HELZ: variants seen among roughly 807,000 people sequenced by gnomAD.
HELZ encodes the protein ATP-dependent RNA helicase with zinc finger domain.
A neutral mutation model predicts 218.2 loss-of-function variants in HELZ; 23 were observed. The observed-to-expected ratio is 0.11, with a 90% CI of 0.08 to 0.15. The LOEUF is 0.15. HELZ is among the 10% of genes least tolerant of loss of function. HELZ has a pLI of 1.00. For synonymous variants in HELZ, 814 were observed against 829.4 expected (o/e 0.98, Z 0.32); for missense variants, 1,813 against 2,353.7 (o/e 0.77, Z 4.75).
chr17:67,193,344 C>CAAAAAAAAAAAAAAAAAAAAA (rs34516607), intron 9 of HELZ, among the ~76,000 whole-genome samples: 1 of 91,906 alleles, frequency 1.1e-5, no homozygotes, highest in Non-Finnish European at 2.2e-5. Context: ...GACTCTGTCT[C>CAAAAAAAAAAAAAAAAAAAAA]AAAAAAAAAA....
intron 31 of HELZ, among the ~76,000 whole-genome samples, chr17:67,105,549 A>G (rs958228980): frequency 6.6e-6 from 1 of 152,252 alleles, no homozygotes; most frequent in Non-Finnish European, 1.5e-5. Flanking sequence ...ACTGTATAAC[A>G]TTGTGAATAC....
intron 3 of HELZ, chr17:67,225,474 CA>C (rs1448782385): frequency 6.5e-6 from 1 of 153,700 alleles, no homozygotes; most frequent in Non-Finnish European, 1.4e-5. Flanking sequence ...CCAAAAGCAC[CA>C]AATGTGACAG....
chr17:67,086,638 ATATATATATATAT>A (rs2036395670), intron 32 of HELZ, among the ~76,000 whole-genome samples, 178 bp downstream of exon 32: 5 of 123,064 alleles, frequency 4.1e-5, no homozygotes, highest in African/African-American at 1.5e-4. Context: ...ATAAATATAT[ATATATATATATAT>A]ATATATATAT....
At chr17:67,114,482 A>ATCT (rs2037373032) in intron 27 of HELZ, 79 bp from the exon 28 acceptor site, 1 of 835,926 alleles carries the variant, frequency 1.2e-6, no homozygotes, top group East Asian at 2.6e-5. Context: ...TATTAGAGAA[A>ATCT]GAGGCAGAAT....
At position 67,136,040 on chromosome 17, in the gene HELZ, T is replaced by A; in HGVS notation, c.3112A>T (p.Ile1038Phe). 1.2e-6 allele frequency: 2 copies of A among 1,614,008 alleles called. No individual in the cohort carries two copies. Among genetic ancestry groups the A allele is most frequent in the Non-Finnish European group, 1.7e-6 (2 of 1,179,920 alleles). Residue 1038 changes from isoleucine (I) to phenylalanine (F), a missense_variant, in exon 23 of 33, where the codon ATC (isoleucine) becomes TTC (phenylalanine). By Grantham distance (21) the Ile-to-Phe change is conservative (BLOSUM62 0). This residue lies in a region of HELZ where 156 missense variants were observed against 274.4 expected (regional missense o/e 0.57). Transcript: ENST00000358691. ...GCAACCAGGGATTGTGCTCTTGTGA[T>A]GGCAGTATTGAGAAGCTTGTAGTTA... Reference protein sequence around the residue: ...LSNYKLLNTAITRAQSLVAVV... With the variant: ...LSNYKLLNTAFTRAQSLVAVV...
At position 67,074,031 on chromosome 17, in the gene HELZ, A is replaced by G. The variant is rs980678695; in HGVS notation, c.*4221T>C. ...TTGAACAAGAAATCGTAGATAGAACATTACCTATTCTTTCTAATTTCTAGG... is the reference window on the plus strand; with the variant it reads ...TTGAACAAGAAATCGTAGATAGAACGTTACCTATTCTTTCTAATTTCTAGG... On this transcript the variant is annotated 3_prime_UTR_variant, in exon 33 of 33. Transcript: ENST00000358691. 1 of 152,188 alleles carries G rather than the reference A, an allele frequency of 6.6e-6. No homozygotes were observed. Among genetic ancestry groups the G allele is most frequent in the Non-Finnish European group, 1.5e-5 (1 of 68,010 alleles). The allele number at this position is 152,188 out of a possible 1,614,324, so 9.4% of individuals were successfully genotyped here.
At chr17:67,173,585 T>C (rs1428985135) in intron 13 of HELZ, among the ~76,000 whole-genome samples, 9 of 152,234 alleles carry the variant, frequency 5.9e-5, no homozygotes, top group Admixed American at 3.3e-4. Context: ...TTTCATTTCA[T>C]GTGATTTCTG....
At chr17:67,230,699 CTTT>C (rs2041015519) in intron 3 of HELZ, among the ~76,000 whole-genome samples, 1 of 150,958 alleles carries the variant, frequency 6.6e-6, no homozygotes, top group Non-Finnish European at 1.5e-5. Flanking sequence ...ATTGTCTATT[CTTT>C]TTGTTTCTTG....
rs1255749483 is a variant in HELZ at position 67,189,629 on chromosome 17, T to C, written c.824A>G (p.Lys275Arg). 1 of 1,613,814 alleles carries C rather than the reference T, an allele frequency of 6.2e-7. No individual in the cohort carries two copies. Among genetic ancestry groups the C allele is most frequent in the Non-Finnish European group, 8.5e-7 (1 of 1,179,754 alleles). ...NPDLSVTVST[K>R]KSHQTWTFAL... ...AAAGGTCCATGTCTGGTGGGATTTT[T>C]TGGTGCTGACAGTAACTGACAGGTC... Residue 275 changes from lysine (K) to arginine (R), a missense_variant, in exon 11 of 33, where the codon AAA (lysine) becomes AGA (arginine). Around this residue, in one of 4 missense-constraint regions of HELZ, gnomAD observed 714 missense variants for 1,029.2 expected, o/e 0.69. Transcript: ENST00000358691.
intron 12 of HELZ, among the ~76,000 whole-genome samples, chr17:67,186,642 TATTA>T (rs2039763405): frequency 6.6e-6 from 1 of 152,190 alleles, no homozygotes; most frequent in Admixed American, 6.5e-5. Context: ...CATTTTATAT[TATTA>T]ATTAAATATT....
chr17:67,140,363 C>T (rs1185795228), intron 21 of HELZ, among the ~76,000 whole-genome samples: 1 of 152,148 alleles, frequency 6.6e-6, no homozygotes, highest in East Asian at 1.9e-4. Context: ...AATTCTGCCT[C>T]CGCCAAGAGA....
At chr17:67,132,716 G>A (rs2038025669) in intron 23 of HELZ, among the ~76,000 whole-genome samples, 1 of 152,126 alleles carries the variant, frequency 6.6e-6, no homozygotes, top group Admixed American at 6.5e-5. Context: ...TGGTGAGAGA[G>A]GGGGAGGATC....
At chr17:67,178,195 A>G (rs1233929188) in intron 13 of HELZ, among the ~76,000 whole-genome samples, 2 of 152,194 alleles carry the variant, frequency 1.3e-5, no homozygotes, top group African/African-American at 4.8e-5. Context: ...ATGTTAACGT[A>G]TTTATAAACT....
intron 17 of HELZ, among the ~76,000 whole-genome samples, chr17:67,158,341 ATCTTCC>A (rs749432193): frequency 6.6e-6 from 1 of 152,134 alleles, no homozygotes; most frequent in Non-Finnish European, 1.5e-5. Flanking sequence ...GATAAAGCTA[ATCTTCC>A]CAGAGCACTC....
chr17:67,093,553 C>T (rs1220585821), intron 31 of HELZ, among the ~76,000 whole-genome samples: 3 of 152,256 alleles, frequency 2.0e-5, no homozygotes. Flanking sequence ...TGTGTCTGTA[C>T]TGTTCCATAA....
At chr17:67,207,333 C>G (rs886958117) in intron 5 of HELZ, among the ~76,000 whole-genome samples, 13 of 150,902 alleles carry the variant, frequency 8.6e-5, no homozygotes, top group African/African-American at 3.2e-4. Flanking sequence ...GACTCTCCTG[C>G]CTCAGCCTCA....
chr17:67,166,313 C>T (rs1322524938), intron 15 of HELZ, among the ~76,000 whole-genome samples, 165 bp downstream of exon 15: 1 of 152,088 alleles, frequency 6.6e-6, no homozygotes, highest in Non-Finnish European at 1.5e-5. Context: ...TAATGATGAA[C>T]CTCAAATGTT....
At chr17:67,244,050 C>T in intron 1 of HELZ, 1 of 882,630 alleles carries the variant, frequency 1.1e-6, no homozygotes, top group South Asian at 5.2e-5. Flanking sequence ...ATACAATGCT[C>T]TTAAAACTCA....
At chr17:67,211,269 G>A (rs1391840079) in intron 5 of HELZ, among the ~76,000 whole-genome samples, 2 of 151,998 alleles carry the variant, frequency 1.3e-5, no homozygotes, top group South Asian at 2.1e-4. Flanking sequence ...CAGAAAAACA[G>A]GTAAATTTGA....
Sources: gnomAD v4.1 joint callset for allele counts (sites outside exome capture counted in the v4.1 genomes callset) on GRCh38, gnomAD v4.1.1 for gene constraint, gnomAD v4.1.1 regional missense constraint, MANE v1.5 for transcripts, NCBI Gene and HGNC (gene_info 2026-07-23, HGNC 2026-07-21) for gene names.